Variants in ODF2L observed in about 807,000 individuals in gnomAD.
ODF2L encodes the protein outer dense fiber of sperm tails 2 like, also known as protein BCAP.
A neutral mutation model predicts 86.3 loss-of-function variants in ODF2L; 76 were observed. The ratio of observed to expected loss-of-function variants is 0.88; its 90% confidence interval spans 0.73 to 1.07. The LOEUF is 1.07. Among genes scored for constraint, ODF2L ranks in the 50% least tolerant of loss-of-function variants. The pLI is 0.00. For synonymous variants in ODF2L, 241 were observed against 231.3 expected, an observed-to-expected ratio of 1.04 and a Z score of -0.38; for missense variants, 748 against 717.4, an observed-to-expected ratio of 1.04 and a Z score of -0.49.
intron 9 of ODF2L, among the ~76,000 whole-genome samples, chr1:86,371,405 G>T (rs1449683414): frequency 6.6e-6 from 1 of 152,076 alleles, no homozygotes; most frequent in Non-Finnish European, 1.5e-5. Context: ...CATGCTCTTT[G>T]CTATTCAATA....
chr1:86,356,470 G>A, exon 14 of ODF2L: 1 of 1,613,374 alleles, frequency 6.2e-7, no homozygotes, highest in Non-Finnish European at 8.5e-7. Context: ...CTAATGGTGT[G>A]TTCCTGGTCT....
chr1:86,369,294 T>G (rs1570389240), intron 10 of ODF2L, among the ~76,000 whole-genome samples: 1 of 152,204 alleles, frequency 6.6e-6, no homozygotes, highest in Admixed American at 6.5e-5. Flanking sequence ...TAAGGTACAC[T>G]GCAATTTTGA....
Position 86,354,647 on chromosome 1 carries a change from CT to C in ODF2L, c.1649del (p.Lys550SerfsTer34). The C allele has an allele frequency of 6.2e-7, 1 of 1,612,598 alleles. No homozygotes were observed. ...TAAGACATTCTTCTTGGTTTGCCAG[CT>C]TCTTCTCAAGCTCTTTATTTTCTGC... On this transcript the variant is annotated frameshift_variant, in exon 16 of 18. Coordinates refer to ENST00000317336, the Ensembl canonical transcript of ODF2L. LOFTEE classifies it high-confidence loss of function.
intron 1 of ODF2L, among the ~76,000 whole-genome samples, chr1:86,394,243 G>A (rs1340943770): frequency 6.6e-6 from 1 of 151,900 alleles, no homozygotes; most frequent in Admixed American, 6.6e-5. Context: ...TGGTGAAACC[G>A]CATCTCTACT....
intron 7 of ODF2L, among the ~76,000 whole-genome samples, chr1:86,377,981 T>G (rs1660294604): frequency 6.6e-6 from 1 of 152,256 alleles, no homozygotes; most frequent in African/African-American, 2.4e-5. Context: ...ATGGGCAGGC[T>G]GCAAATTTTC....
At chr1:86,361,168 T>C (rs1659007436) in intron 11 of ODF2L, among the ~76,000 whole-genome samples, 1 of 152,184 alleles carries the variant, frequency 6.6e-6, no homozygotes, top group Non-Finnish European at 1.5e-5. Flanking sequence ...TCTACTGCAA[T>C]TTCATGGATG....
intron 8 of ODF2L, among the ~76,000 whole-genome samples, chr1:86,375,503 A>G (rs1231190050): frequency 2.0e-5 from 3 of 152,148 alleles, no homozygotes; most frequent in African/African-American, 4.8e-5. Flanking sequence ...AAGCCTTAAC[A>G]TAAGTTCTTA....
At chr1:86,361,183 C>T (rs1310355825) in intron 11 of ODF2L, among the ~76,000 whole-genome samples, 2 of 152,172 alleles carry the variant, frequency 1.3e-5, no homozygotes, top group African/African-American at 4.8e-5. Flanking sequence ...TGGATGCTAA[C>T]AGAAGGTACA....
intron 17 of ODF2L, 28 bp downstream of exon 16, chr1:86,352,831 T>C: frequency 7.4e-7 from 1 of 1,354,708 alleles, no homozygotes; most frequent in Non-Finnish European, 1.0e-6. Flanking sequence ...TTATCTTTTA[T>C]AATATGTTAA....
intron 11 of ODF2L, among the ~76,000 whole-genome samples, chr1:86,368,369 T>G (rs1027258660): frequency 6.6e-6 from 1 of 152,126 alleles, no homozygotes. Context: ...ATGTTAGTGC[T>G]CGACTAATTA....
At chr1:86,356,376 A>T in intron 14 of ODF2L, 68 bp downstream of exon 13, 1 of 1,348,858 alleles carries the variant, frequency 7.4e-7, no homozygotes, top group Non-Finnish European at 1.0e-6. Flanking sequence ...GAGTGCCCTC[A>T]ACTGGTGAAA....
At position 86,368,694 on chromosome 1, in the gene ODF2L, G is replaced by T; in HGVS notation, c.1085C>A (p.Ser362Ter). The change falls in exon 11 of 18, where the codon TCA (serine) becomes TAA (stop). Residue 362 changes from serine (S) to a stop codon, truncating the protein, a stop_gained. Coordinates refer to ENST00000317336, the Ensembl canonical transcript of ODF2L. LOFTEE classifies it high-confidence loss of function. Reference sequence around the variant, plus strand: ...AACAATCAAAATGTTCATATTCTTTGACTCAGTAATTCTACATGGGAATCT... The same window carrying T: ...AACAATCAAAATGTTCATATTCTTTTACTCAGTAATTCTACATGGGAATCT... 1 of 1,448,656 alleles carries T rather than the reference G, an allele frequency of 6.9e-7. No homozygotes were observed. Among genetic ancestry groups the T allele is most frequent in the South Asian group, 1.5e-5 (1 of 66,406 alleles). 89.7% of individuals were successfully genotyped at this position (1,448,656 alleles called of 1,614,324 possible).
intron 11 of ODF2L, among the ~76,000 whole-genome samples, chr1:86,367,710 A>G (rs1349987618): frequency 6.6e-6 from 1 of 152,214 alleles, no homozygotes; most frequent in Non-Finnish European, 1.5e-5. Context: ...GTAGTGAAAG[A>G]GCAATTATAA....
At chr1:86,375,432 G>C (rs1660100138) in intron 8 of ODF2L, among the ~76,000 whole-genome samples, 1 of 152,010 alleles carries the variant, frequency 6.6e-6, no homozygotes, top group Non-Finnish European at 1.5e-5. Flanking sequence ...ATACTACTTT[G>C]TTTGCCATAA....
At chr1:86,352,224 TATC>T in intron 17 of ODF2L, 1 of 1,494,548 alleles carries the variant, frequency 6.7e-7, no homozygotes, top group Admixed American at 2.3e-5. Context: ...AAAAACACAG[TATC>T]ATTATTCTCT....
chr1:86,381,386 A>G (rs930742650), intron 7 of ODF2L, among the ~76,000 whole-genome samples: 1 of 152,118 alleles, frequency 6.6e-6, no homozygotes, highest in Admixed American at 6.6e-5. Flanking sequence ...GCCCTAGCAT[A>G]CAAAATTTAT....
intron 8 of ODF2L, among the ~76,000 whole-genome samples, chr1:86,372,935 AGATT>A (rs1659905953): frequency 6.6e-6 from 1 of 152,166 alleles, no homozygotes; most frequent in Non-Finnish European, 1.5e-5. Context: ...CAAAAGCATA[AGATT>A]GATATAAAGG....
intron 12 of ODF2L, among the ~76,000 whole-genome samples, chr1:86,359,722 C>T (rs1017370493): frequency 6.6e-6 from 1 of 151,332 alleles, no homozygotes; most frequent in African/African-American, 2.4e-5. Context: ...CAGGGTTTCA[C>T]CATGGTGGCC....
intron 10 of ODF2L, among the ~76,000 whole-genome samples, chr1:86,369,516 A>C (rs1048525542): frequency 1.3e-5 from 2 of 152,172 alleles, no homozygotes; most frequent in Non-Finnish European, 2.9e-5. Flanking sequence ...GGAACAAAAC[A>C]GACTTGAGAT....
Sources: allele counts gnomAD v4.1 joint callset (sites outside exome capture counted in the v4.1 genomes callset), GRCh38; gene constraint gnomAD v4.1.1; transcripts MANE v1.5; gene names NCBI Gene and HGNC (gene_info 2026-07-23, HGNC 2026-07-21).